LEKR1: variants seen among roughly 807,000 people sequenced by gnomAD.
The protein encoded by LEKR1 is protein LEKR1.
Under a neutral mutation model 72.4 loss-of-function variants are expected in LEKR1, and 59 were observed. The ratio of observed to expected loss-of-function variants is 0.82; its 90% CI spans 0.66 to 1.01. The LOEUF is 1.01. LEKR1 is among the 50% of genes least tolerant of loss of function. LEKR1 has a pLI of 0.00. For synonymous variants in LEKR1, 257 were observed against 263.2 expected (o/e 0.98, Z 0.23); for missense variants, 728 against 759.2 (o/e 0.96, Z 0.48).
At chr3:156,894,340 G>A (rs1720967315) in intron 3 of LEKR1, among the ~76,000 whole-genome samples, 1 of 152,094 alleles carries the variant, frequency 6.6e-6, no homozygotes, top group African/African-American at 2.4e-5. Flanking sequence ...AAAAAATAAA[G>A]CATTGCTCTT....
rs895120683 is a variant in LEKR1 at position 156,954,390 on chromosome 3, T to C, written c.745+11676T>C. Reference sequence around the variant, plus strand: ...GATCTCATTTGTCAATTATTGATTTTGTTGCTATTGCTTTTAACATTTTCA... The same window carrying C: ...GATCTCATTTGTCAATTATTGATTTCGTTGCTATTGCTTTTAACATTTTCA... On this transcript the variant is annotated intron_variant, in intron 6 of 12. Coordinates refer to ENST00000356539, the MANE Select transcript of LEKR1 (RefSeq NM_001004316.3). Among the ~76,000 whole-genome samples, 9 of 152,228 alleles carry C rather than the reference T, an allele frequency of 5.9e-5. No individual in the cohort carries two copies. The East Asian group carries it at 1.7e-3, about 29-fold the overall frequency.
At chr3:156,917,389 G>A (rs923203912) in intron 3 of LEKR1, among the ~76,000 whole-genome samples, 1 of 152,068 alleles carries the variant, frequency 6.6e-6, no homozygotes, top group Non-Finnish European at 1.5e-5. Flanking sequence ...TACTCACCAA[G>A]TGCCCAGCAC....
chr3:156,919,417 T>C (rs62275805), intron 3 of LEKR1, among the ~76,000 whole-genome samples: 4,828 of 152,280 alleles, frequency 0.032, 114 homozygotes, highest in Non-Finnish European at 0.047. Flanking sequence ...ACAGCTACTA[T>C]GCTGCCATTA....
chr3:157,035,797 G>T (rs1734930028), intron 12 of LEKR1, among the ~76,000 whole-genome samples: 1 of 152,182 alleles, frequency 6.6e-6, no homozygotes, highest in Non-Finnish European at 1.5e-5. Flanking sequence ...TACTTGGGAG[G>T]CTGAGGCACA....
chr3:157,011,599 T>A, intron 10 of LEKR1, 93 bp downstream of exon 10: 1 of 829,986 alleles, frequency 1.2e-6, no homozygotes. Context: ...TAGATTTATT[T>A]GCTTCTATGC....
At chr3:156,850,762 G>T (rs1421658890) in intron 2 of LEKR1, among the ~76,000 whole-genome samples, 1 of 152,148 alleles carries the variant, frequency 6.6e-6, no homozygotes. Flanking sequence ...CCATGGCTAG[G>T]GTAGATAGGT....
chr3:156,851,638 A>G (rs1715378168), intron 2 of LEKR1, among the ~76,000 whole-genome samples: 1 of 152,122 alleles, frequency 6.6e-6, no homozygotes, highest in African/African-American at 2.4e-5. Flanking sequence ...AATTTTTACT[A>G]TTAAAGTTTA....
intron 6 of LEKR1, among the ~76,000 whole-genome samples, chr3:156,944,006 T>C (rs1726463150): frequency 6.6e-6 from 1 of 151,778 alleles, no homozygotes; most frequent in South Asian, 2.1e-4. Context: ...AGTATAAATA[T>C]TATATTCTAC....
chr3:156,921,552 C>T (rs1405463911), intron 4 of LEKR1, among the ~76,000 whole-genome samples: 2 of 152,162 alleles, frequency 1.3e-5, no homozygotes, highest in Non-Finnish European at 2.9e-5. Context: ...AATCCACTCA[C>T]AAAACAAGTG....
intron 6 of LEKR1, among the ~76,000 whole-genome samples, chr3:156,966,585 G>A (rs1728622279): frequency 6.6e-6 from 1 of 152,184 alleles, no homozygotes; most frequent in Non-Finnish European, 1.5e-5. Context: ...TGGGGGAGGG[G>A]TGCCTGCCAT....
intron 3 of LEKR1, among the ~76,000 whole-genome samples, chr3:156,859,211 A>T (rs1716455747): frequency 6.6e-6 from 1 of 152,184 alleles, no homozygotes; most frequent in Admixed American, 6.6e-5. Flanking sequence ...CACTTGAAAA[A>T]TGATAAGGGA....
At chr3:156,942,441 A>T in intron 5 of LEKR1, 88 bp from the exon 6 acceptor site, 1 of 398,590 alleles carries the variant, frequency 2.5e-6, no homozygotes, top group Non-Finnish European at 4.2e-6. Context: ...TTCAACTATT[A>T]ATTTTCTAAA....
chr3:156,902,908 A>G (rs1255574427), intron 3 of LEKR1, among the ~76,000 whole-genome samples: 6 of 152,022 alleles, frequency 3.9e-5, no homozygotes, highest in Admixed American at 1.3e-4. Flanking sequence ...AAAGCACCAT[A>G]ATGTAAGCAT....
At position 157,028,320 on chromosome 3, in the gene LEKR1, T is replaced by C. The variant is rs991114459; in HGVS notation, c.1586T>C (p.Met529Thr). 8 of 1,613,394 alleles carry C rather than the reference T, an allele frequency of 5.0e-6. No homozygotes were observed. The Admixed American group carries it at 1.0e-4, about 20-fold the overall frequency. Reference sequence around the variant, plus strand: ...GTTTCAGAAAACTTGAGGAAGGAAATGGAACAGAAGTCGGATGAACTGAAA... The same window carrying C: ...GTTTCAGAAAACTTGAGGAAGGAAACGGAACAGAAGTCGGATGAACTGAAA... ...DSVSENLRKEMEQKSDELKRV... is the reference protein window; with the variant it reads ...DSVSENLRKETEQKSDELKRV... Residue 529 changes from methionine (M) to threonine (T), a missense_variant, in exon 12 of 13, where the codon ATG becomes ACG. Physicochemically the swap from Met to Thr is moderately conservative, Grantham distance 81. Coordinates refer to ENST00000356539, the MANE Select transcript of LEKR1 (RefSeq NM_001004316.3).
In LEKR1 at chr3:156,947,184, T is replaced by C. The variant is rs182750970; in HGVS notation, c.745+4470T>C. 3.3e-5 allele frequency among the ~76,000 whole-genome samples: 5 copies of C among 151,294 alleles called. No individual in the cohort carries two copies. The East Asian group carries it at 9.7e-4, about 29-fold the overall frequency. ...GACTTGGTTTTCTCTTGCTTTAAGATGCATTGTTATGTTGATTTGAAGCTT... is the reference window on the plus strand; with the variant it reads ...GACTTGGTTTTCTCTTGCTTTAAGACGCATTGTTATGTTGATTTGAAGCTT... On this transcript the variant is annotated intron_variant, in intron 6 of 12. Transcript: ENST00000356539.
intron 3 of LEKR1, among the ~76,000 whole-genome samples, chr3:156,861,744 G>T (rs971594137): frequency 6.6e-6 from 1 of 152,088 alleles, no homozygotes; most frequent in African/African-American, 2.4e-5. Context: ...TTGTCTAGAT[G>T]TGTAAGTATG....
intron 3 of LEKR1, among the ~76,000 whole-genome samples, chr3:156,876,757 T>C (rs1718641571): frequency 6.6e-6 from 1 of 152,224 alleles, no homozygotes; most frequent in Non-Finnish European, 1.5e-5. Flanking sequence ...TACAATCATA[T>C]CATCAGCATA....
intron 3 of LEKR1, among the ~76,000 whole-genome samples, chr3:156,867,188 G>T (rs1173768837): frequency 6.6e-6 from 1 of 152,092 alleles, no homozygotes; most frequent in Non-Finnish European, 1.5e-5. Flanking sequence ...ATTATTAAAT[G>T]AAAGGATGTC....
intron 2 of LEKR1, among the ~76,000 whole-genome samples, chr3:156,834,860 A>G (rs886886784): frequency 5.9e-5 from 9 of 152,214 alleles, no homozygotes; most frequent in African/African-American, 2.2e-4. Context: ...TATTTTACCA[A>G]TAATCTTTAA....
Sources: gnomAD v4.1 joint callset for allele counts (sites outside exome capture counted in the v4.1 genomes callset) on GRCh38, gnomAD v4.1.1 for gene constraint, MANE v1.5 for transcripts, NCBI Gene and HGNC (gene_info 2026-07-23, HGNC 2026-07-21) for gene names.